Variants in PTPRM observed in about 807,000 individuals in gnomAD.
The protein encoded by PTPRM is receptor-type tyrosine-protein phosphatase mu.
Under a neutral mutation model 186.7 loss-of-function variants are expected in PTPRM, and 47 were observed. The observed-to-expected ratio is 0.25, with a 90% CI of 0.20 to 0.32. PTPRM has a LOEUF of 0.32. PTPRM is among the 10% of genes least tolerant of loss of function. The pLI, the probability that PTPRM is intolerant of heterozygous loss-of-function variation, is 1.00. For synonymous variants in PTPRM, 668 were observed against 674.9 expected, an observed-to-expected ratio of 0.99 and a Z score of 0.16; for missense variants, 1,494 against 1,865.0, an observed-to-expected ratio of 0.80 and a Z score of 3.66.
At chr18:7,949,611 C>T (rs16952706) in intron 6 of PTPRM, among the ~76,000 whole-genome samples, 4,261 of 152,252 alleles carry the variant, frequency 0.028, 82 homozygotes, top group African/African-American at 0.047. Context: ...CTTCTGCCAA[C>T]TCTATATACA....
At chr18:7,670,558 G>A (rs574830115) in intron 1 of PTPRM, among the ~76,000 whole-genome samples, 122 of 152,276 alleles carry the variant, frequency 8.0e-4, no homozygotes, top group Non-Finnish European at 1.4e-3. Flanking sequence ...GAGTCAAGAA[G>A]TCTTAAAGGT....
At chr18:8,331,321 A>G (rs1716068575) in intron 22 of PTPRM, among the ~76,000 whole-genome samples, 1 of 152,210 alleles carries the variant, frequency 6.6e-6, no homozygotes, top group Non-Finnish European at 1.5e-5. Context: ...TATTGGTTTT[A>G]CCCATAGATA....
intron 2 of PTPRM, among the ~76,000 whole-genome samples, chr18:7,869,217 A>G (rs1008069627): frequency 2.6e-5 from 4 of 152,142 alleles, no homozygotes; most frequent in Admixed American, 2.6e-4. Context: ...GTTCTGTCTT[A>G]CTGTCTTTCC....
intron 7 of PTPRM, among the ~76,000 whole-genome samples, chr18:7,985,004 T>C (rs2082821813): frequency 1.6e-5 from 2 of 125,982 alleles, no homozygotes; most frequent in South Asian, 2.3e-4. Context: ...CATATAATTG[T>C]ATATACATAT....
At chr18:7,892,894 T>C (rs922018228) in intron 3 of PTPRM, among the ~76,000 whole-genome samples, 1 of 152,182 alleles carries the variant, frequency 6.6e-6, no homozygotes, top group African/African-American at 2.4e-5. Flanking sequence ...TCTACTCCCA[T>C]CATGAGGGCT....
At chr18:8,085,093 C>T (rs2090361467) in intron 9 of PTPRM, among the ~76,000 whole-genome samples, 1 of 152,018 alleles carries the variant, frequency 6.6e-6, no homozygotes, top group Admixed American at 6.6e-5. Flanking sequence ...TCAGAAAGTT[C>T]TATTGGAAGA....
chr18:7,873,316 A>G (rs1003287478), intron 2 of PTPRM, among the ~76,000 whole-genome samples: 10 of 152,088 alleles, frequency 6.6e-5, no homozygotes, highest in African/African-American at 1.2e-4. Flanking sequence ...TTCTCCAGAG[A>G]GCATATGCCA....
chr18:8,199,756 T>C (rs1342268362), intron 14 of PTPRM, among the ~76,000 whole-genome samples: 1 of 152,228 alleles, frequency 6.6e-6, no homozygotes, highest in Non-Finnish European at 1.5e-5. Context: ...GGAGCAGTGA[T>C]TGATTCATTT....
chr18:7,963,657 G>C (rs1397601407), intron 7 of PTPRM, among the ~76,000 whole-genome samples: 1 of 152,156 alleles, frequency 6.6e-6, no homozygotes, highest in Non-Finnish European at 1.5e-5. Flanking sequence ...TGCAGTCGGG[G>C]GCCTGTGGCC....
At chr18:7,643,945 G>GT (rs2038503023) in intron 1 of PTPRM, among the ~76,000 whole-genome samples, 1 of 151,998 alleles carries the variant, frequency 6.6e-6, no homozygotes, top group African/African-American at 2.4e-5. Flanking sequence ...TTAAAAAAAG[G>GT]TTTAAAGGGG....
At chr18:8,345,464 T>C (rs2095500161) in intron 23 of PTPRM, among the ~76,000 whole-genome samples, 1 of 152,026 alleles carries the variant, frequency 6.6e-6, no homozygotes. Context: ...ATGAATTAGG[T>C]AATTTTCTAG....
rs564682671 is a variant in PTPRM, at chr18:7,847,230, A to G, written c.197-40876A>G. On this transcript the variant is annotated intron_variant, in intron 2 of 32. Transcript: ENST00000580170. ...CACCCAGCCTGGAGTGCTGTGGTGC[A>G]GTCACAGCACACTGCAGCCTCAGCC... Among the ~76,000 whole-genome samples, 9 of 149,904 alleles carry G rather than the reference A, an allele frequency of 6.0e-5. No individual in the cohort carries two copies. In the East Asian group the frequency reaches 1.8e-3, roughly 30 times the overall value.
chr18:8,195,202 C>T (rs1405430930), intron 14 of PTPRM, among the ~76,000 whole-genome samples: 1 of 133,864 alleles, frequency 7.5e-6, no homozygotes, highest in Non-Finnish European at 1.5e-5. Flanking sequence ...AAGCTAGTTA[C>T]AGAGGCCTTT....
At chr18:8,332,692 C>T (rs978969102) in intron 22 of PTPRM, among the ~76,000 whole-genome samples, 1 of 152,118 alleles carries the variant, frequency 6.6e-6, no homozygotes, top group African/African-American at 2.4e-5. Flanking sequence ...GGGCAAACAG[C>T]AAGTACCCGC....
At chr18:7,748,461 C>A (rs1178191358) in intron 1 of PTPRM, among the ~76,000 whole-genome samples, 1 of 152,020 alleles carries the variant, frequency 6.6e-6, no homozygotes, top group East Asian at 1.9e-4. Context: ...GGCTGGAGCC[C>A]CCTCCTGACA....
chr18:8,055,497 G>A (rs541601404), intron 7 of PTPRM, among the ~76,000 whole-genome samples: 7 of 152,196 alleles, frequency 4.6e-5, no homozygotes, highest in South Asian at 2.1e-4. Context: ...TAAAAGTTAC[G>A]TTAGCTGTTT....
chr18:7,780,333 G>T (rs9958870), intron 2 of PTPRM, among the ~76,000 whole-genome samples: 3 of 152,148 alleles, frequency 2.0e-5, no homozygotes, highest in Non-Finnish European at 4.4e-5. Context: ...GGCATCCATG[G>T]CACAACGACA....
chr18:8,112,885 G>T (rs542029521), intron 11 of PTPRM, among the ~76,000 whole-genome samples: 1 of 152,150 alleles, frequency 6.6e-6, no homozygotes, highest in African/African-American at 2.4e-5. Flanking sequence ...GAACTCCAAG[G>T]CTTTGGCTTT....
At chr18:7,911,090 A>G (rs12606453) in intron 4 of PTPRM, among the ~76,000 whole-genome samples, 68,630 of 152,086 alleles carry the variant, frequency 0.45, 19,210 homozygotes, top group African/African-American at 0.78. Context: ...CATCCATGTT[A>G]TAGTGTATAT....
Sources: allele counts gnomAD v4.1 joint callset (sites outside exome capture counted in the v4.1 genomes callset), GRCh38; gene constraint gnomAD v4.1.1; transcripts MANE v1.5; gene names NCBI Gene and HGNC (gene_info 2026-07-23, HGNC 2026-07-21).